Variants in CYP19A1 observed in about 807,000 individuals in gnomAD.
CYP19A1 encodes cytochrome P450 family 19 subfamily A member 1.
A neutral mutation model predicts 44.4 loss-of-function variants in CYP19A1; 32 were observed. The observed-to-expected ratio is 0.72, with a 90% confidence interval of 0.54 to 0.97. CYP19A1 has a LOEUF of 0.97. Among genes scored for constraint, CYP19A1 ranks in the 50% least tolerant of loss-of-function variants. CYP19A1 has a pLI of 0.00. For synonymous variants in CYP19A1, 212 were observed against 215.6 expected, an observed-to-expected ratio of 0.98 and a Z score of 0.14; for missense variants, 598 against 637.8, an observed-to-expected ratio of 0.94 and a Z score of 0.67.
chr15:51,209,233 T>G lies in CYP19A1; in HGVS notation c.*1575A>C, dbSNP rs1478240627. 2.6e-5 allele frequency: 4 copies of G among 152,228 alleles called. No homozygotes were observed. The highest frequency in any genetic ancestry group is 5.9e-5 in the Non-Finnish European group (4 of 68,034). 9.4% of individuals were successfully genotyped at this position (152,228 alleles called of 1,614,324 possible). A position where few individuals can be genotyped will look rare whatever the true frequency, so the allele number is the denominator to read the frequency against. ...TTGAATTCTTGGAATACCTACCTCTTTATTTGGTTTCTGCATCAGTTGGGA... is the reference window on the plus strand; with the variant it reads ...TTGAATTCTTGGAATACCTACCTCTGTATTTGGTTTCTGCATCAGTTGGGA... On this transcript the variant is annotated 3_prime_UTR_variant, in exon 10 of 10. Transcript: ENST00000396402.
At chr15:51,227,483 A>C (rs984700369) in intron 4 of CYP19A1, among the ~76,000 whole-genome samples, 5 of 151,932 alleles carry the variant, frequency 3.3e-5, no homozygotes, top group Admixed American at 2.0e-4. Context: ...CCTGGTCTCA[A>C]ATATGGCGAA....
chr15:51,273,198 C>T (rs2035190222), intron 1 of CYP19A1, among the ~76,000 whole-genome samples: 1 of 152,146 alleles, frequency 6.6e-6, no homozygotes, highest in South Asian at 2.1e-4. Flanking sequence ...ATCCACCCAC[C>T]TCGGCCTCCC....
At chr15:51,265,352 A>C (rs1310953120) in intron 1 of CYP19A1, among the ~76,000 whole-genome samples, 1 of 152,282 alleles carries the variant, frequency 6.6e-6, no homozygotes, top group African/African-American at 2.4e-5. Flanking sequence ...AGCAGAAAGC[A>C]GATGGAAAAA....
intron 1 of CYP19A1, among the ~76,000 whole-genome samples, chr15:51,308,428 GT>G (rs75018944): frequency 6.6e-6 from 1 of 152,026 alleles, no homozygotes; most frequent in African/African-American, 2.4e-5. Context: ...CATCATTTTA[GT>G]TTTTTTTAAA....
rs752062440 is a variant in CYP19A1 at position 51,227,794 on chromosome 15, G to A, written c.436C>T (p.Pro146Ser). ...NNPELWKTTRPFFMKALSGPG... is the reference protein window; with the variant it reads ...NNPELWKTTRSFFMKALSGPG... ...ACCTGCTTACCTTTCATAAAGAAGGGTCGAGTTGTTTTCCAGAGCTCTGGA... is the reference window on the plus strand; with the variant it reads ...ACCTGCTTACCTTTCATAAAGAAGGATCGAGTTGTTTTCCAGAGCTCTGGA... The change falls in exon 4 of 10, where the codon CCC becomes TCC. Residue 146 changes from proline to serine, a missense_variant. Pro to Ser is a moderately conservative substitution (Grantham distance 74). Coordinates refer to ENST00000396402, the MANE Select transcript of CYP19A1 (RefSeq NM_000103.4). The A allele has an allele frequency of 6.5e-7, 1 of 1,530,458 alleles. No individual in the cohort carries two copies. The highest frequency in any genetic ancestry group is 1.1e-5 in the South Asian group (1 of 89,366). 94.8% of individuals were successfully genotyped at this position (1,530,458 alleles called of 1,614,324 possible).
Position 51,222,347 on chromosome 15 carries a change from A to G in CYP19A1, c.628+2T>C, listed in dbSNP as rs750338018. 2.5e-6 allele frequency: 4 copies of G among 1,614,054 alleles called. No individual in the cohort carries two copies. The highest frequency in any genetic ancestry group is 1.7e-5 in the Admixed American group (1 of 60,012). On this transcript the variant is annotated splice_donor_variant, in intron 5 of 9. Coordinates refer to ENST00000396402, the MANE Select transcript of CYP19A1 (RefSeq NM_000103.4). LOFTEE classifies it high-confidence loss of function. The stretch of plus-strand genomic sequence containing the variant: ...AAGATGTGAGAGTGAAAATTTCAGT[A>G]CCGTCCAAAGGGATCCTCAAGAAGA...
intron 1 of CYP19A1, among the ~76,000 whole-genome samples, chr15:51,316,770 A>G (rs534630409): frequency 5.3e-5 from 8 of 152,258 alleles, no homozygotes; most frequent in Admixed American, 1.3e-4. Flanking sequence ...CAATATGTGC[A>G]GTTAAAAACT....
chr15:51,315,473 C>T (rs2036407999), intron 1 of CYP19A1, among the ~76,000 whole-genome samples: 1 of 152,096 alleles, frequency 6.6e-6, no homozygotes, highest in South Asian at 2.1e-4. Context: ...TGCTTGTTTA[C>T]TTGCCTCTGT....
chr15:51,217,144 T>A (rs916940680), intron 6 of CYP19A1, among the ~76,000 whole-genome samples: 1 of 152,222 alleles, frequency 6.6e-6, no homozygotes, highest in Admixed American at 6.5e-5. Flanking sequence ...GCCCTCTTCC[T>A]AGTAGGCTGA....
In CYP19A1 at chr15:51,298,613, T is replaced by A. The variant is rs570740563; in HGVS notation, c.-39+39882A>T. Among the ~76,000 whole-genome samples, 36 of 151,824 alleles carry A rather than the reference T, an allele frequency of 2.4e-4. 1 individual carries two copies. The South Asian group carries it at 6.9e-3, about 29-fold the overall frequency. On this transcript the variant is annotated intron_variant, in intron 1 of 9. Coordinates refer to ENST00000396402, the MANE Select transcript of CYP19A1 (RefSeq NM_000103.4). ...TCTTCTAGCTTGGCCATTTTTAGGA[T>A]TAAATTCAAGGGATTCCTTTTGTGA... is the stretch of plus-strand genomic sequence containing the variant.
intron 3 of CYP19A1, among the ~76,000 whole-genome samples, chr15:51,229,765 A>G (rs1434809730): frequency 6.6e-6 from 1 of 152,212 alleles, no homozygotes; most frequent in Non-Finnish European, 1.5e-5. Context: ...AGTAATTTAT[A>G]TATTCTTTAT....
intron 1 of CYP19A1, among the ~76,000 whole-genome samples, chr15:51,263,142 CA>C (rs371999364): frequency 1.8e-4 from 26 of 144,676 alleles, no homozygotes; most frequent in East Asian, 6.0e-4. Flanking sequence ...AAGGAACAGA[CA>C]AAAAAAAAAT....
intron 1 of CYP19A1, among the ~76,000 whole-genome samples, chr15:51,326,411 C>G (rs956344039): frequency 5.3e-5 from 8 of 152,194 alleles, no homozygotes; most frequent in African/African-American, 1.4e-4. Flanking sequence ...CTCACAGTAA[C>G]CCAACACAGA....
intron 1 of CYP19A1, among the ~76,000 whole-genome samples, chr15:51,331,088 T>G (rs570407149): frequency 6.6e-6 from 1 of 152,088 alleles, no homozygotes; most frequent in Non-Finnish European, 1.5e-5. Context: ...GTTCCTGTTT[T>G]CTCCACCACA....
At chr15:51,223,653 A>C (rs2032331391) in intron 4 of CYP19A1, among the ~76,000 whole-genome samples, 1 of 145,800 alleles carries the variant, frequency 6.9e-6, no homozygotes, top group Non-Finnish European at 1.5e-5. Flanking sequence ...AAGCTGCGGA[A>C]TCCCCATGCC....
chr15:51,299,895 T>C (rs372468200), intron 1 of CYP19A1, among the ~76,000 whole-genome samples: 1 of 152,202 alleles, frequency 6.6e-6, no homozygotes, highest in African/African-American at 2.4e-5. Flanking sequence ...TTGAAGGTTC[T>C]ACAGAGGAGG....
chr15:51,247,016 A>T (rs2034088734), intron 1 of CYP19A1, among the ~76,000 whole-genome samples: 1 of 152,028 alleles, frequency 6.6e-6, no homozygotes, highest in Non-Finnish European at 1.5e-5. Context: ...CTACTGCCTG[A>T]TCTGTACCTC....
chr15:51,313,354 C>A (rs1325240639), intron 1 of CYP19A1, among the ~76,000 whole-genome samples: 2 of 152,138 alleles, frequency 1.3e-5, no homozygotes, highest in African/African-American at 2.4e-5. Context: ...TGGTGGGGAG[C>A]AGAGCAGAGG....
At chr15:51,261,081 G>A (rs76084537) in intron 1 of CYP19A1, among the ~76,000 whole-genome samples, 30,369 of 152,126 alleles carry the variant, frequency 0.2, 3,816 homozygotes, top group African/African-American at 0.35. Flanking sequence ...CGCCACTCCC[G>A]ATCGGGCTAG....
Sources: allele counts gnomAD v4.1 joint callset (sites outside exome capture counted in the v4.1 genomes callset), GRCh38; gene constraint gnomAD v4.1.1; transcripts MANE v1.5; gene names NCBI Gene and HGNC (gene_info 2026-07-23, HGNC 2026-07-21).